The following SLC13A3 variants were observed in gnomAD, a reference collection of about 807,000 sequenced individuals.
SLC13A3 encodes Na(+)/dicarboxylate cotransporter 3.
SLC13A3 carries 40 observed loss-of-function variants against 59.0 expected under a neutral mutation model. The observed-to-expected ratio is 0.68, with a 90% CI of 0.53 to 0.88. The LOEUF (loss-of-function observed/expected upper bound fraction) is 0.88, where lower values mean the gene tolerates loss of function less well. Among genes scored for constraint, SLC13A3 ranks in the 40% least tolerant of loss-of-function variants. SLC13A3 has a pLI of 0.00. For synonymous variants in SLC13A3, 317 were observed against 330.3 expected (o/e 0.96, Z 0.44); for missense variants, 699 against 783.2 (o/e 0.89, Z 1.28).
At position 46,583,456 on chromosome 20, in the gene SLC13A3, G is replaced by A. The variant is rs1277431308; in HGVS notation, c.1219+116C>T. On this transcript the variant is annotated intron_variant, in intron 9 of 12. Transcript: ENST00000279027. ...AAGGCAATGGCTCAGACAGTGAAAG[G>A]AGAAGCAGGAAGGACCACGTGGTTA... 8.0e-6 allele frequency: 12 copies of A among 1,495,204 alleles called. No homozygotes were observed. In the African/African-American group the frequency reaches 1.1e-4, roughly 14 times the overall value. 92.6% of individuals were successfully genotyped at this position (1,495,204 alleles called of 1,614,324 possible).
chr20:46,608,425 T>C (rs2122733917), intron 3 of SLC13A3, among the ~76,000 whole-genome samples: 1 of 152,322 alleles, frequency 6.6e-6, no homozygotes, highest in East Asian at 1.9e-4. Context: ...TATTTACTAT[T>C]TGGTCATTTA....
At chr20:46,666,729 C>G (rs1444820280) in intron 1 of SLC13A3, among the ~76,000 whole-genome samples, 1 of 152,104 alleles carries the variant, frequency 6.6e-6, no homozygotes, top group East Asian at 1.9e-4. Context: ...GTCTCGAACT[C>G]CTGGGCTCAA....
chr20:46,674,604 CGTGTGTGTGTGTGT>C (rs58582046), upstream of SLC13A3, among the ~76,000 whole-genome samples: 1 of 127,882 alleles, frequency 7.8e-6, no homozygotes, highest in South Asian at 2.7e-4. Context: ...CGCGCGCGCG[CGTGTGTGTGTGTGT>C]GTGTGTGTGT....
intron 9 of SLC13A3, among the ~76,000 whole-genome samples, chr20:46,580,581 A>G (rs933021269): frequency 4.6e-5 from 7 of 152,126 alleles, no homozygotes; most frequent in African/African-American, 1.7e-4. Flanking sequence ...CTATAAAGCC[A>G]GTAAAAGCCA....
upstream of SLC13A3, chr20:46,651,524 G>A: frequency 7.5e-7 from 1 of 1,331,352 alleles, no homozygotes. Context: ...CTGCGCTGGG[G>A]AACCCGCCCT....
chr20:46,566,797 A>G (rs1292368901), intron 10 of SLC13A3, among the ~76,000 whole-genome samples: 2 of 150,048 alleles, frequency 1.3e-5, no homozygotes, highest in Non-Finnish European at 3.0e-5. Flanking sequence ...AATATTCATT[A>G]TTTTTATAAT....
intron 1 of SLC13A3, among the ~76,000 whole-genome samples, chr20:46,680,088 T>C (rs1465337357): frequency 6.6e-6 from 1 of 152,182 alleles, no homozygotes; most frequent in African/African-American, 2.4e-5. Context: ...CCATTTCCTA[T>C]TTTTCTGATG....
At chr20:46,585,173 T>C (rs1459390419) in intron 8 of SLC13A3, 1 of 984,800 alleles carries the variant, frequency 1.0e-6, no homozygotes, top group East Asian at 1.1e-4. Flanking sequence ...TAAGTCCAAA[T>C]GGCAAGTTGT....
intron 1 of SLC13A3, among the ~76,000 whole-genome samples, chr20:46,635,501 T>A (rs2062786867): frequency 6.6e-6 from 1 of 152,202 alleles, no homozygotes; most frequent in South Asian, 2.1e-4. Context: ...CACCTCCTTT[T>A]GGTATGTGTT....
intron 11 of SLC13A3, 54 bp from the exon 12 acceptor site, chr20:46,563,605 A>C (rs2146076467): frequency 6.5e-7 from 1 of 1,527,060 alleles, no homozygotes; most frequent in Admixed American, 2.0e-5. Flanking sequence ...CAGAGCGACC[A>C]CAGCAAGAGG....
Position 46,583,612 on chromosome 20 carries a change from C to A in SLC13A3, c.1179G>T (p.Pro393=). 1.2e-6 allele frequency: 2 copies of A among 1,613,582 alleles called. No individual in the cohort carries two copies. Among genetic ancestry groups the A allele is most frequent in the Middle Eastern group, 1.6e-4 (1 of 6,062 alleles). ...ACCACTTGAGAGAGGGCCTTTGGGACGGGAAGAAGAACAAGATGGTGACAA... is the reference window on the plus strand; with the variant it reads ...ACCACTTGAGAGAGGGCCTTTGGGAAGGGAAGAAGAACAAGATGGTGACAA... ...VAIVTILFFF[P]SQRPSLKWWF... is the part of the protein sequence containing the mutation. The change falls in exon 9 of 13, where the codon CCG becomes CCT. Residue 393 remains proline (P), a synonymous_variant. Coordinates refer to ENST00000279027, the MANE Select transcript of SLC13A3 (RefSeq NM_022829.6).
At chr20:46,583,002 G>A (rs1367537487) in intron 9 of SLC13A3, 4 of 985,866 alleles carry the variant, frequency 4.1e-6, no homozygotes, top group Non-Finnish European at 4.8e-6. Flanking sequence ...CTTCCTATAC[G>A]GTTGAAACCC....
intron 1 of SLC13A3, among the ~76,000 whole-genome samples, chr20:46,661,419 G>A (rs1368446667): frequency 1.3e-5 from 2 of 152,150 alleles, no homozygotes; most frequent in African/African-American, 4.8e-5. Context: ...TTCATCACTG[G>A]CTCCAAATGT....
intron 10 of SLC13A3, among the ~76,000 whole-genome samples, chr20:46,573,441 A>G (rs1480747104): frequency 6.6e-6 from 1 of 152,138 alleles, no homozygotes; most frequent in Non-Finnish European, 1.5e-5. Context: ...CTCCAGCTGC[A>G]TTTCTCCCTC....
chr20:46,644,632 C>T (rs1171972489), intron 1 of SLC13A3, among the ~76,000 whole-genome samples: 1 of 152,162 alleles, frequency 6.6e-6, no homozygotes, highest in Non-Finnish European at 1.5e-5. Flanking sequence ...GAACTGGGTT[C>T]AGAGAGGTGA....
At chr20:46,665,960 A>C (rs1302358327) in intron 1 of SLC13A3, among the ~76,000 whole-genome samples, 1 of 152,248 alleles carries the variant, frequency 6.6e-6, no homozygotes, top group Non-Finnish European at 1.5e-5. Context: ...TATTTCAAAG[A>C]TAACTCAGGC....
intron 1 of SLC13A3, among the ~76,000 whole-genome samples, chr20:46,659,633 CGA>C (rs1183949858): frequency 6.6e-6 from 1 of 150,772 alleles, no homozygotes; most frequent in Admixed American, 6.6e-5. Context: ...GAGGATAGCT[CGA>C]GCCCGGGGAG....
intron 1 of SLC13A3, among the ~76,000 whole-genome samples, chr20:46,680,619 G>A (rs2063149582): frequency 6.6e-6 from 1 of 152,212 alleles, no homozygotes; most frequent in Non-Finnish European, 1.5e-5. Flanking sequence ...TGCATAATGT[G>A]AGACTGCAAA....
At chr20:46,591,361 G>C (rs2062255159) in intron 6 of SLC13A3, among the ~76,000 whole-genome samples, 1 of 152,128 alleles carries the variant, frequency 6.6e-6, no homozygotes, top group Non-Finnish European at 1.5e-5. Flanking sequence ...TGGGAAGAGG[G>C]GTTCTCACTG....
Sources: allele counts gnomAD v4.1 joint callset (sites outside exome capture counted in the v4.1 genomes callset), GRCh38; gene constraint gnomAD v4.1.1; transcripts MANE v1.5; gene names NCBI Gene and HGNC (gene_info 2026-07-23, HGNC 2026-07-21).